PTPRD: variants seen among roughly 807,000 people sequenced by gnomAD.
PTPRD encodes the protein receptor-type tyrosine-protein phosphatase delta.
In PTPRD, 34 loss-of-function variants were observed where a neutral mutation model predicts 214.5. That is an observed-to-expected ratio of 0.16 (90% CI 0.12 to 0.21). The LOEUF is 0.21. PTPRD is among the 10% of genes least tolerant of loss of function. The probability of loss-of-function intolerance (pLI) is 1.00; values close to 1 mark genes in which losing one functional copy is unlikely to be tolerated. For synonymous variants in PTPRD, 1,128 were observed against 845.7 expected (o/e 1.33, Z -5.79); for missense variants, 2,545 against 2,398.7 (o/e 1.06, Z -1.27).
chr9:8,458,151 C>T (rs1020093497), intron 33 of PTPRD, among the ~76,000 whole-genome samples: 1 of 152,056 alleles, frequency 6.6e-6, no homozygotes, highest in Admixed American at 6.6e-5. Flanking sequence ...CTTACATAGG[C>T]CCACACTAAA....
chr9:9,906,365 G>T (rs1361195141), intron 5 of PTPRD, among the ~76,000 whole-genome samples: 2 of 151,840 alleles, frequency 1.3e-5, no homozygotes, highest in African/African-American at 2.4e-5. Context: ...ATACTCAATT[G>T]TTATCGTTGT....
intron 14 of PTPRD, among the ~76,000 whole-genome samples, chr9:8,609,443 G>A (rs532064621): frequency 1.3e-5 from 2 of 152,134 alleles, no homozygotes; most frequent in African/African-American, 4.8e-5. Flanking sequence ...GAAAAGCATT[G>A]CCCTTATGAT....
intron 3 of PTPRD, among the ~76,000 whole-genome samples, chr9:10,106,632 T>A (rs159226): frequency 2.0e-5 from 3 of 151,240 alleles, no homozygotes; most frequent in South Asian, 2.1e-4. Context: ...ACCATCTAGA[T>A]GATAGAATCA....
chr9:8,489,100 T>C (rs1344227539), intron 27 of PTPRD, among the ~76,000 whole-genome samples: 1 of 152,226 alleles, frequency 6.6e-6, no homozygotes, highest in Non-Finnish European at 1.5e-5. Context: ...ATGAGCATGT[T>C]CTTAGTAACT....
At chr9:10,543,779 TG>T (rs2059645708) in intron 2 of PTPRD, among the ~76,000 whole-genome samples, 1 of 152,190 alleles carries the variant, frequency 6.6e-6, no homozygotes, top group Non-Finnish European at 1.5e-5. Flanking sequence ...AACCTTTCAC[TG>T]TTTGCATAAA....
chr9:9,407,575 T>C (rs1165247446), intron 8 of PTPRD, among the ~76,000 whole-genome samples: 1 of 151,792 alleles, frequency 6.6e-6, no homozygotes, highest in Non-Finnish European at 1.5e-5. Context: ...ATCTATTTTT[T>C]TGAAATTGTT....
chr9:10,221,391 C>T (rs553085411), intron 3 of PTPRD, among the ~76,000 whole-genome samples: 1 of 152,050 alleles, frequency 6.6e-6, no homozygotes, highest in Non-Finnish European at 1.5e-5. Context: ...ATCTAAAAAA[C>T]ATGGATTCTA....
intron 44 of PTPRD, among the ~76,000 whole-genome samples, chr9:8,320,778 C>T (rs12005932): frequency 0.17 from 26,026 of 151,972 alleles, 2,548 homozygotes; most frequent in African/African-American, 0.26. Context: ...TTTAAGATAA[C>T]TCCAGAATCT....
intron 2 of PTPRD, among the ~76,000 whole-genome samples, chr9:10,566,207 A>T (rs2131719875): frequency 6.6e-6 from 1 of 152,142 alleles, no homozygotes; most frequent in East Asian, 1.9e-4. Context: ...CAGGTTTTTA[A>T]GATGATGAAC....
chr9:8,805,780 G>C (rs542692857), intron 11 of PTPRD, among the ~76,000 whole-genome samples: 13 of 151,360 alleles, frequency 8.6e-5, no homozygotes, highest in Admixed American at 7.2e-4. Context: ...CGGATCATGA[G>C]GTCAGGAGAT....
At chr9:8,851,037 A>G (rs2097798363) in intron 11 of PTPRD, among the ~76,000 whole-genome samples, 2 of 152,166 alleles carry the variant, frequency 1.3e-5, no homozygotes, top group South Asian at 4.1e-4. Context: ...GACAGAAGGC[A>G]GTAAATTCCT....
intron 11 of PTPRD, among the ~76,000 whole-genome samples, chr9:8,954,873 A>T (rs1252604615): frequency 6.6e-6 from 1 of 151,902 alleles, no homozygotes; most frequent in Non-Finnish European, 1.5e-5. Flanking sequence ...CTGTGCAAAA[A>T]CTATAGCTTA....
At chr9:8,934,391 T>TTGTG (rs1488645400) in intron 11 of PTPRD, among the ~76,000 whole-genome samples, 2 of 86,590 alleles carry the variant, frequency 2.3e-5, no homozygotes, top group Non-Finnish European at 4.3e-5. Flanking sequence ...CAAATACTAA[T>TTGTG]TATGTGTGTG....
chr9:10,574,564 C>T (rs1385858017), intron 2 of PTPRD, among the ~76,000 whole-genome samples: 2 of 151,760 alleles, frequency 1.3e-5, no homozygotes, highest in African/African-American at 2.4e-5. Flanking sequence ...TAAGCTCTGG[C>T]TAAGATAGGG....
At chr9:10,008,627 C>G (rs1390430325) in intron 4 of PTPRD, among the ~76,000 whole-genome samples, 1 of 151,718 alleles carries the variant, frequency 6.6e-6, no homozygotes, top group Non-Finnish European at 1.5e-5. Context: ...AGCATAAATT[C>G]CTGTCTCATC....
At chr9:8,935,227 G>T (rs567440868) in intron 11 of PTPRD, among the ~76,000 whole-genome samples, 1 of 151,998 alleles carries the variant, frequency 6.6e-6, no homozygotes, top group Non-Finnish European at 1.5e-5. Context: ...CCAAAAAACT[G>T]TTGGAAGTAA....
intron 11 of PTPRD, among the ~76,000 whole-genome samples, chr9:8,958,123 C>T (rs570700876): frequency 4.6e-5 from 7 of 151,976 alleles, no homozygotes; most frequent in South Asian, 2.1e-4. Flanking sequence ...CAAGATCCCT[C>T]CATCCTGCAG....
intron 10 of PTPRD, among the ~76,000 whole-genome samples, chr9:9,152,640 A>G (rs765414493): frequency 6.6e-6 from 1 of 152,294 alleles, no homozygotes; most frequent in Non-Finnish European, 1.5e-5. Flanking sequence ...GCTTGACTGT[A>G]ATTTTCACCT....
At chr9:8,397,580 G>A (rs1018455228) in intron 36 of PTPRD, among the ~76,000 whole-genome samples, 4 of 152,092 alleles carry the variant, frequency 2.6e-5, no homozygotes, top group Admixed American at 6.6e-5. Context: ...TGGAGAATAC[G>A]TTAGCATGTG....
Sources: gnomAD v4.1 joint callset for allele counts (sites outside exome capture counted in the v4.1 genomes callset) on GRCh38, gnomAD v4.1.1 for gene constraint, MANE v1.5 for transcripts, NCBI Gene and HGNC (gene_info 2026-07-23, HGNC 2026-07-21) for gene names.